APOBEC3G: variants seen among roughly 807,000 people sequenced by gnomAD.
APOBEC3G encodes DNA dC->dU-editing enzyme APOBEC-3G.
In APOBEC3G, 44 loss-of-function variants were observed where a neutral mutation model predicts 50.0. The ratio of observed to expected loss-of-function variants is 0.88; its 90% CI spans 0.69 to 1.13. The LOEUF (loss-of-function observed/expected upper bound fraction) is 1.13. Among genes scored for constraint, APOBEC3G ranks in the 50% most tolerant of loss-of-function variants. The pLI, the probability that APOBEC3G is intolerant of heterozygous loss-of-function variation, is 0.00. For synonymous variants in APOBEC3G, 156 were observed against 175.3 expected, an observed-to-expected ratio of 0.89 and a Z score of 0.87; for missense variants, 469 against 492.0, an observed-to-expected ratio of 0.95 and a Z score of 0.44.
At chr22:39,086,642 G>C in intron 6 of APOBEC3G, 75 bp downstream of exon 6, 1 of 1,517,252 alleles carries the variant, frequency 6.6e-7, no homozygotes, top group Non-Finnish European at 8.9e-7. Context: ...TAGAAAGTGG[G>C]GAGGGTCGGC....
rs1928756924 is a variant in APOBEC3G, at chr22:39,087,621, T to G, written c.*200T>G. Reference sequence around the variant, plus strand: ...CTTTGAATCAAAAATTTATTTATATTTCAAGAATAAAGTACTAAGATTGTG... The same window carrying G: ...CTTTGAATCAAAAATTTATTTATATGTCAAGAATAAAGTACTAAGATTGTG... On this transcript the variant is annotated 3_prime_UTR_variant, in exon 8 of 8. Transcript: ENST00000407997. 2.7e-6 allele frequency: 3 copies of G among 1,095,236 alleles called. No individual in the cohort carries two copies. The Admixed American group carries it at 8.6e-5, about 31-fold the overall frequency. The allele number at this position is 1,095,236 out of a possible 1,614,324, so 67.8% of individuals were successfully genotyped here.
chr22:39,079,898 G>A (rs1928354346), intron 2 of APOBEC3G: 1 of 151,898 alleles, frequency 6.6e-6, no homozygotes, highest in African/African-American at 2.4e-5. Context: ...AAAAAAATTA[G>A]CCAGGCATGG....
At chr22:39,078,765 T>G (rs1928284505) in intron 1 of APOBEC3G, 167 bp from the exon 2 acceptor site, 1 of 858,886 alleles carries the variant, frequency 1.2e-6, no homozygotes, top group African/African-American at 1.7e-5. Flanking sequence ...CAGGCTGGAG[T>G]GTAGTGGCGC....
rs140288418 is a variant in APOBEC3G at position 39,085,562 on chromosome 22, G to C, written c.736-717G>C. Among the ~76,000 whole-genome samples the C allele has an allele frequency of 6.6e-5, 10 of 152,294 alleles. No homozygotes were observed. The South Asian group carries it at 1.5e-3, about 22-fold the overall frequency. On this transcript the variant is annotated intron_variant, in intron 5 of 7. Transcript: ENST00000407997. ...TACTCAGTATCAGAGAAATCTCATC[G>C]TAATGGAAAATTAAATTATTTAATA...
intron 2 of APOBEC3G, chr22:39,079,557 A>G (rs1037032459): frequency 6.5e-6 from 1 of 154,078 alleles, no homozygotes; most frequent in African/African-American, 2.4e-5. Context: ...TTCTGACCTC[A>G]GGTGATCCAC....
chr22:39,086,536 TG>T lies in APOBEC3G; in HGVS notation c.997del (p.Ala333ProfsTer5). Reference protein sequence around the residue: ...QEGLRTLAEAGAKISIMTYSE... With the variant: ...QEGLRTLAEAXAKISIMTYSE... Reference sequence around the variant, plus strand: ...AGGGGCTGCGCACCCTGGCCGAGGCTGGGGCCAAAATTTCAATAATGACATA... The same window carrying T: ...AGGGGCTGCGCACCCTGGCCGAGGCTGGGCCAAAATTTCAATAATGACATA... On this transcript the variant is annotated frameshift_variant, in exon 6 of 8. Transcript: ENST00000407997. LOFTEE classifies it high-confidence loss of function. 1 of 1,609,620 alleles carries T rather than the reference TG, an allele frequency of 6.2e-7. No individual in the cohort carries two copies. Among genetic ancestry groups the T allele is most frequent in the Non-Finnish European group, 8.5e-7 (1 of 1,177,148 alleles).
At chr22:39,079,219 G>A in intron 2 of APOBEC3G, 134 bp downstream of exon 2, 1 of 1,279,548 alleles carries the variant, frequency 7.8e-7, no homozygotes, top group Non-Finnish European at 1.1e-6. Flanking sequence ...CCAAGTCCGT[G>A]GCCCTGACCT....
intron 5 of APOBEC3G, among the ~76,000 whole-genome samples, chr22:39,085,386 GAC>G: frequency 6.6e-6 from 1 of 152,226 alleles, no homozygotes; most frequent in African/African-American, 2.4e-5. Flanking sequence ...TTGACGGGTA[GAC>G]AGGTCAGCCT....
chr22:39,081,124 C>T lies in APOBEC3G; in HGVS notation c.363C>T (p.Ala121=), dbSNP rs1188826843. 23 of 1,614,108 alleles carry T rather than the reference C, an allele frequency of 1.4e-5. No individual in the cohort carries two copies. The highest frequency in any genetic ancestry group is 1.9e-5 in the Non-Finnish European group (23 of 1,180,044). Residue 121 remains alanine, a synonymous_variant, in exon 3 of 8, where the codon GCC becomes GCT. Transcript: ENST00000407997. ...AGGTTACCCTGACCATCTTTGTTGC[C>T]CGCCTCTACTACTTCTGGGACCCAG... ...DPKVTLTIFV[A]RLYYFWDPDY...
chr22:39,080,478 GCA>G (rs1779247107), intron 2 of APOBEC3G: 1 of 171,398 alleles, frequency 5.8e-6, no homozygotes. Flanking sequence ...CCTGCGAGCT[GCA>G]CAGTCACGTG....
Position 39,081,161 on chromosome 22 carries a change from G to A in APOBEC3G, c.400G>A (p.Ala134Thr), listed in dbSNP as rs903183797. ...CTTCTGGGACCCAGATTACCAGGAG[G>A]CGCTTCGCAGCCTGTGTCAGAAAAG... ...YYFWDPDYQE[A>T]LRSLCQKRDG... Residue 134 changes from alanine (A) to threonine (T), a missense_variant, in exon 3 of 8, where the codon GCG (alanine) becomes ACG (threonine). Transcript: ENST00000407997. The A allele has an allele frequency of 3.1e-6, 5 of 1,614,126 alleles. No individual in the cohort carries two copies. Among genetic ancestry groups the A allele is most frequent in the Non-Finnish European group, 4.2e-6 (5 of 1,180,060 alleles).
rs200752150 is a variant in APOBEC3G, at chr22:39,081,547, T to G, written c.543T>G (p.Tyr181Ter). 2 of 1,614,110 alleles carry G rather than the reference T, an allele frequency of 1.2e-6. No individual in the cohort carries two copies. The highest frequency in any genetic ancestry group is 1.7e-6 in the Non-Finnish European group (2 of 1,179,992). The change falls in exon 4 of 8, where the codon TAT becomes TAG. Residue 181 changes from tyrosine to a stop codon, truncating the protein, a stop_gained. Transcript: ENST00000407997. LOFTEE classifies it high-confidence loss of function. ...AGCCTTGGAATAATCTGCCTAAATA[T>G]TATATATTACTGCACATCATGCTGG... ...LFEPWNNLPKYYILLHIMLGE... is the reference protein window; with the variant it reads ...LFEPWNNLPK
Position 39,081,454 on chromosome 22 carries a change from T to C in APOBEC3G, c.467-17T>C, listed in dbSNP as rs777350512. 31 of 1,612,304 alleles carry C rather than the reference T, an allele frequency of 1.9e-5. No homozygotes were observed. The highest frequency in any genetic ancestry group is 2.5e-5 in the Non-Finnish European group (30 of 1,178,578). ...AGGCCAGCTGGGCTTGACTGCGTTC[T>C]CTCTTCTTTTTCTTAGAATTTCAGC... On this transcript the variant is annotated splice_polypyrimidine_tract_variant and intron_variant, in intron 3 of 7. Coordinates refer to ENST00000407997, the MANE Select transcript of APOBEC3G (RefSeq NM_021822.4).
Position 39,087,058 on chromosome 22 carries a change from T to G in APOBEC3G, c.1072T>G (p.Phe358Val), listed in dbSNP as rs989752389. ...CTTTGTGGACCACCAGGGATGTCCC[T>G]TCCAGCCCTGGGATGGACTAGATGA... ...DTFVDHQGCP[F>V]QPWDGLDEHS... The change falls in exon 7 of 8, where the codon TTC (phenylalanine) becomes GTC (valine). Residue 358 changes from phenylalanine to valine, a missense_variant. Phe to Val is a conservative substitution (Grantham distance 50). Coordinates refer to ENST00000407997, the MANE Select transcript of APOBEC3G (RefSeq NM_021822.4). 3.1e-6 allele frequency: 5 copies of G among 1,613,494 alleles called. No individual in the cohort carries two copies. Among genetic ancestry groups the G allele is most frequent in the Non-Finnish European group, 4.2e-6 (5 of 1,179,876 alleles).
At position 39,086,262 on chromosome 22, in the gene APOBEC3G, C is replaced by T. The variant is rs17496039; in HGVS notation, c.736-17C>T. 104,958 of 1,548,204 alleles carry T rather than the reference C, an allele frequency of 0.068. 4,123 individuals are homozygous for T. The highest frequency in any genetic ancestry group is 0.13 in the African/African-American group (9,718 of 72,034). ...AAAAAAAAAAAAGATTACCTCATGG[C>T]TTGCTTTCTTTTCTAGGCTCCACAT... On this transcript the variant is annotated splice_polypyrimidine_tract_variant and intron_variant, in intron 5 of 7. Transcript: ENST00000407997.
At chr22:39,080,862 CCCCCTGCCCCA>C in intron 2 of APOBEC3G, 60 bp from the exon 3 acceptor site, 1 of 984,514 alleles carries the variant, frequency 1.0e-6, no homozygotes, top group Non-Finnish European at 1.5e-6. Flanking sequence ...GGCCCCTCCT[CCCCCTGCCCCA>C]CCCCTGCTCT....
chr22:39,086,427 TG>T lies in APOBEC3G; in HGVS notation c.886del (p.Ala296LeufsTer10). 1 of 1,614,110 alleles carries T rather than the reference TG, an allele frequency of 6.2e-7. No homozygotes were observed. The highest frequency in any genetic ancestry group is 8.5e-7 in the Non-Finnish European group (1 of 1,180,008). On this transcript the variant is annotated frameshift_variant, in exon 6 of 8. Coordinates refer to ENST00000407997, the MANE Select transcript of APOBEC3G (RefSeq NM_021822.4). LOFTEE classifies it high-confidence loss of function. ...CCCTGCTTCAGCTGTGCCCAGGAAA[TG>T]GCTAAATTCATTTCAAAAAACAAAC... ...WSPCFSCAQEMAKFISKNKHV... is the reference protein window; with the variant it reads ...WSPCFSCAQEXAKFISKNKHV...
In APOBEC3G at chr22:39,081,143, G is replaced by C. The variant is rs754175834; in HGVS notation, c.382G>C (p.Asp128His). Residue 128 changes from aspartate to histidine, a missense_variant, in exon 3 of 8, where the codon GAC becomes CAC. By Grantham distance (81) the Asp-to-His change is moderately conservative. Coordinates refer to ENST00000407997, the MANE Select transcript of APOBEC3G (RefSeq NM_021822.4). The part of the protein sequence containing the change: ...IFVARLYYFW[D>H]PDYQEALRSL... The stretch of plus-strand genomic sequence containing the variant: ...TGTTGCCCGCCTCTACTACTTCTGG[G>C]ACCCAGATTACCAGGAGGCGCTTCG... The C allele has an allele frequency of 6.2e-7, 1 of 1,614,236 alleles. No individual in the cohort carries two copies. Among genetic ancestry groups the C allele is most frequent in the South Asian group, 1.1e-5 (1 of 91,086 alleles).
At chr22:39,079,466 C>T (rs1235363801) in intron 2 of APOBEC3G, 2 of 179,070 alleles carry the variant, frequency 1.1e-5, no homozygotes, top group Non-Finnish European at 2.4e-5. Flanking sequence ...TACAGGTGCC[C>T]ACCACCACGC....
Sources: gnomAD v4.1 joint callset for allele counts (sites outside exome capture counted in the v4.1 genomes callset) on GRCh38, gnomAD v4.1.1 for gene constraint, MANE v1.5 for transcripts, NCBI Gene and HGNC (gene_info 2026-07-23, HGNC 2026-07-21) for gene names.